PTPRD: variants seen among roughly 807,000 people sequenced by gnomAD.
PTPRD encodes receptor-type tyrosine-protein phosphatase delta.
In PTPRD, 34 loss-of-function variants were observed where a neutral mutation model predicts 214.5. The ratio of observed to expected loss-of-function variants is 0.16; its 90% confidence interval spans 0.12 to 0.21. PTPRD has a LOEUF of 0.21. Among genes scored for constraint, PTPRD ranks in the 10% least tolerant of loss-of-function variants. The pLI, the probability that PTPRD is intolerant of heterozygous loss-of-function variation, is 1.00. For synonymous variants in PTPRD, 1,128 were observed against 845.7 expected (o/e 1.33, Z -5.79); for missense variants, 2,545 against 2,398.7 (o/e 1.06, Z -1.27).
intron 2 of PTPRD, among the ~76,000 whole-genome samples, chr9:10,494,596 G>T (rs1176828860): frequency 6.7e-6 from 1 of 148,518 alleles, no homozygotes; most frequent in Non-Finnish European, 1.5e-5. Context: ...TGTAAGGGAA[G>T]ATTTTAGGTC....
chr9:9,943,071 C>T (rs1391595254), intron 4 of PTPRD, among the ~76,000 whole-genome samples: 1 of 152,098 alleles, frequency 6.6e-6, no homozygotes, highest in Non-Finnish European at 1.5e-5. Flanking sequence ...GTCAGTCTTA[C>T]ATAGGCTGTT....
At chr9:9,789,673 T>G (rs914398188) in intron 5 of PTPRD, among the ~76,000 whole-genome samples, 7 of 151,228 alleles carry the variant, frequency 4.6e-5, no homozygotes, top group Non-Finnish European at 1.0e-4. Flanking sequence ...GGTGGGCGCC[T>G]GTAGTCCCAG....
At chr9:9,425,223 C>A (rs2080356470) in intron 8 of PTPRD, among the ~76,000 whole-genome samples, 1 of 152,000 alleles carries the variant, frequency 6.6e-6, no homozygotes, top group Non-Finnish European at 1.5e-5. Context: ...CCCAGAAGAA[C>A]CATGGCAGCT....
At chr9:10,379,858 T>C (rs2097787760) in intron 2 of PTPRD, among the ~76,000 whole-genome samples, 1 of 152,078 alleles carries the variant, frequency 6.6e-6, no homozygotes, top group African/African-American at 2.4e-5. Context: ...AGATAATATA[T>C]TTTGTCTGAT....
At chr9:8,601,114 C>A (rs527532115) in intron 14 of PTPRD, among the ~76,000 whole-genome samples, 1 of 152,182 alleles carries the variant, frequency 6.6e-6, no homozygotes, top group East Asian at 1.9e-4. Context: ...TGGCAGTACT[C>A]CCTATGGGCC....
At chr9:8,427,984 A>T (rs2094799872) in intron 35 of PTPRD, among the ~76,000 whole-genome samples, 1 of 152,184 alleles carries the variant, frequency 6.6e-6, no homozygotes, top group South Asian at 2.1e-4. Context: ...ATAAGCATGT[A>T]TGTGTTTGTT....
Position 8,341,689 on chromosome 9 carries a change from A to G in PTPRD, c.4947+4T>C, listed in dbSNP as rs760285468. On this transcript the variant is annotated splice_donor_region_variant and intron_variant, in intron 40 of 45. Transcript: ENST00000381196. Reference sequence around the variant, plus strand: ...GAATAACCACATCACATCCAATACCATACCTTAAATTCGAGCTCCATTCCT... The same window carrying G: ...GAATAACCACATCACATCCAATACCGTACCTTAAATTCGAGCTCCATTCCT... 12 of 1,612,830 alleles carry G rather than the reference A, an allele frequency of 7.4e-6. No homozygotes were observed.
chr9:9,382,107 T>A (rs892951554), intron 9 of PTPRD, among the ~76,000 whole-genome samples: 3 of 152,124 alleles, frequency 2.0e-5, no homozygotes, highest in African/African-American at 7.2e-5. Context: ...CTTGTTTAAG[T>A]TTATTCCTAA....
chr9:9,639,598 A>T (rs2095872913), intron 7 of PTPRD, among the ~76,000 whole-genome samples: 1 of 152,198 alleles, frequency 6.6e-6, no homozygotes, highest in African/African-American at 2.4e-5. Flanking sequence ...TCATTCTATA[A>T]AGATCAATGA....
At chr9:9,257,222 G>A (rs929961162) in intron 9 of PTPRD, among the ~76,000 whole-genome samples, 5 of 151,966 alleles carry the variant, frequency 3.3e-5, no homozygotes, top group Non-Finnish European at 7.4e-5. Context: ...GGTGCTGTGG[G>A]AAACTCTGAG....
Position 8,517,980 on chromosome 9 carries a change from C to A in PTPRD, c.1411G>T (p.Val471Leu), listed in dbSNP as rs2097816722. The stretch of plus-strand genomic sequence containing the variant: ...ATAGTAGTGATTTGGCTGTCAGCTA[C>A]ATTGTGTTTCATCCAGTTGTTGACA... ...QHVNNWMKHN[V>L]ADSQITTIGN... The change falls in exon 21 of 46, where the codon GTA becomes TTA. Residue 471 changes from valine (V) to leucine (L), a missense_variant. Val to Leu is a conservative substitution (Grantham distance 32). Transcript: ENST00000381196. 2 of 1,614,184 alleles carry A rather than the reference C, an allele frequency of 1.2e-6. No homozygotes were observed. Among genetic ancestry groups the A allele is most frequent in the Non-Finnish European group, 1.7e-6 (2 of 1,180,022 alleles).
At chr9:8,738,239 C>T (rs555910534) in intron 11 of PTPRD, among the ~76,000 whole-genome samples, 1 of 152,260 alleles carries the variant, frequency 6.6e-6, no homozygotes, top group Non-Finnish European at 1.5e-5. Context: ...TAACAAATCA[C>T]GGTTTCAAGC....
intron 3 of PTPRD, among the ~76,000 whole-genome samples, chr9:10,313,053 C>G (rs2096312330): frequency 6.6e-6 from 1 of 151,816 alleles, no homozygotes; most frequent in Non-Finnish European, 1.5e-5. Flanking sequence ...GATATATGTC[C>G]TCTCCATTCT....
chr9:9,217,138 G>A (rs1003992516), intron 9 of PTPRD, among the ~76,000 whole-genome samples: 1 of 152,098 alleles, frequency 6.6e-6, no homozygotes, highest in Admixed American at 6.6e-5. Flanking sequence ...CTGGGAGGCT[G>A]TAGGGCTGGC....
chr9:9,775,642 T>C (rs1183937547), intron 5 of PTPRD, among the ~76,000 whole-genome samples: 1 of 151,984 alleles, frequency 6.6e-6, no homozygotes, highest in Non-Finnish European at 1.5e-5. Context: ...TATAGGGAGA[T>C]TACTAAAAAG....
At chr9:9,318,387 A>C (rs1042654682) in intron 9 of PTPRD, among the ~76,000 whole-genome samples, 1 of 152,164 alleles carries the variant, frequency 6.6e-6, no homozygotes, top group South Asian at 2.1e-4. Context: ...GATATTTTTT[A>C]AAGTCAAATA....
In PTPRD at chr9:9,321,395, G is replaced by A. The variant is rs1966423885; in HGVS notation, c.-203+76054C>T. ...ATATGGTGAAACCCCATCTCTACCA[G>A]AAATGCAAAATCAGCCGGGCGTGGT... On this transcript the variant is annotated intron_variant, in intron 9 of 45. Coordinates refer to ENST00000381196, the MANE Select transcript of PTPRD (RefSeq NM_002839.4). Among the ~76,000 whole-genome samples the A allele has an allele frequency of 2.0e-5, 3 of 151,804 alleles. No homozygotes were observed. The South Asian group carries it at 6.2e-4, about 32-fold the overall frequency.
chr9:9,918,814 T>A (rs1316575672), intron 5 of PTPRD, among the ~76,000 whole-genome samples: 1 of 152,168 alleles, frequency 6.6e-6, no homozygotes, highest in African/African-American at 2.4e-5. Context: ...AGGTAGTATC[T>A]TTAATAAATG....
intron 14 of PTPRD, among the ~76,000 whole-genome samples, chr9:8,547,426 T>C (rs1327331082): frequency 6.6e-6 from 1 of 152,110 alleles, no homozygotes; most frequent in Non-Finnish European, 1.5e-5. Flanking sequence ...GCAGATTGCC[T>C]GATCTCAGGA....
Sources: gnomAD v4.1 joint callset for allele counts (sites outside exome capture counted in the v4.1 genomes callset) on GRCh38, gnomAD v4.1.1 for gene constraint, MANE v1.5 for transcripts, NCBI Gene and HGNC (gene_info 2026-07-23, HGNC 2026-07-21) for gene names.